Variants in CPED1 observed in about 807,000 individuals in gnomAD.
CPED1 encodes cadherin-like and PC-esterase domain-containing protein 1.
A neutral mutation model predicts 128.2 loss-of-function variants in CPED1; 114 were observed. The observed-to-expected ratio is 0.89, with a 90% CI of 0.76 to 1.04. CPED1 has a LOEUF of 1.04. Ranked by LOEUF, CPED1 falls within the 50% of genes least tolerant of loss-of-function variation. CPED1 has a pLI of 0.00. For missense variants in CPED1, 1,211 were observed against 1,207.1 expected (o/e 1.00, Z -0.05); for synonymous variants, 462 against 426.7 (o/e 1.08, Z -1.02).
At chr7:121,237,472 T>C (rs1327030043) in intron 17 of CPED1, among the ~76,000 whole-genome samples, 1 of 152,176 alleles carries the variant, frequency 6.6e-6, no homozygotes, top group Non-Finnish European at 1.5e-5. Context: ...ATTTAATTAC[T>C]GTGTTAAATC....
At chr7:121,121,947 C>T (rs1353429836) in intron 7 of CPED1, among the ~76,000 whole-genome samples, 1 of 152,086 alleles carries the variant, frequency 6.6e-6, no homozygotes, top group African/African-American at 2.4e-5. Flanking sequence ...AAAAGTGGTT[C>T]ACTTAGTTAG....
At chr7:121,293,484 G>A (rs1457589611) in intron 22 of CPED1, among the ~76,000 whole-genome samples, 6 of 152,112 alleles carry the variant, frequency 3.9e-5, no homozygotes, top group African/African-American at 1.4e-4. Context: ...TCAGCTCTCT[G>A]GCTTCAGCCC....
rs188750557 is a variant in CPED1 at position 121,078,379 on chromosome 7, T to C, written c.616+14066T>C. 1.7e-3 allele frequency among the ~76,000 whole-genome samples: 255 copies of C among 151,862 alleles called. 1 individual carries two copies. The highest frequency in any genetic ancestry group is 5.7e-3 in the African/African-American group (235 of 41,380). On this transcript the variant is annotated intron_variant, in intron 5 of 22. Transcript: ENST00000310396. ...TTAATTTTTAGTGGAGCATGACATT[T>C]TCATAAGCCATTTCTTAGTTTTGAA...
chr7:121,084,614 C>T (rs1584500281), intron 5 of CPED1, among the ~76,000 whole-genome samples: 1 of 152,200 alleles, frequency 6.6e-6, no homozygotes, highest in African/African-American at 2.4e-5. Flanking sequence ...TGTCCCCTTG[C>T]TTGGCCATGG....
chr7:121,284,041 T>C (rs551840575), intron 22 of CPED1, among the ~76,000 whole-genome samples: 1 of 152,276 alleles, frequency 6.6e-6, no homozygotes, highest in African/African-American at 2.4e-5. Context: ...GACTGGGTAA[T>C]TTATAAAGGA....
chr7:121,229,924 C>A (rs747841733), intron 16 of CPED1, among the ~76,000 whole-genome samples: 1 of 151,928 alleles, frequency 6.6e-6, no homozygotes, highest in Non-Finnish European at 1.5e-5. Flanking sequence ...AGAAGTTATT[C>A]AAGTCAAGCA....
At chr7:121,295,357 G>A in intron 22 of CPED1, 83 bp from the exon 23 acceptor site, 1 of 1,470,670 alleles carries the variant, frequency 6.8e-7, no homozygotes, top group Non-Finnish European at 9.1e-7. Context: ...TGGCAGAGAT[G>A]CATGTTCAAG....
chr7:121,287,383 A>AC (rs112901683), intron 22 of CPED1, among the ~76,000 whole-genome samples: 64,039 of 151,906 alleles, frequency 0.42, 14,386 homozygotes, highest in African/African-American at 0.57. Flanking sequence ...ACCTTCAGTG[A>AC]AATGGTGACT....
chr7:121,015,940 T>A (rs1222699219), intron 3 of CPED1, 92 bp downstream of exon 3: 4 of 958,938 alleles, frequency 4.2e-6, no homozygotes, highest in Non-Finnish European at 5.5e-6. Context: ...TAAAAAAATT[T>A]ATAAAAACAA....
At chr7:121,114,947 C>T (rs770046650) in intron 7 of CPED1, among the ~76,000 whole-genome samples, 1 of 152,150 alleles carries the variant, frequency 6.6e-6, no homozygotes, top group African/African-American at 2.4e-5. Flanking sequence ...GTCCTTCAGG[C>T]GTGAATGAAT....
intron 3 of CPED1, among the ~76,000 whole-genome samples, chr7:121,042,252 T>C (rs373929240): frequency 2.6e-5 from 4 of 152,158 alleles, no homozygotes; most frequent in African/African-American, 9.7e-5. Flanking sequence ...TATAGGAAGA[T>C]TTAACTTTGA....
chr7:121,056,739 C>G (rs1184246198), intron 4 of CPED1, among the ~76,000 whole-genome samples: 1 of 152,122 alleles, frequency 6.6e-6, no homozygotes, highest in Non-Finnish European at 1.5e-5. Context: ...GGTTAAACCT[C>G]TTGGTTTGCT....
chr7:121,294,806 C>CAAAAAAAAAAAAAAAAA (rs752742828), intron 22 of CPED1, among the ~76,000 whole-genome samples: 12 of 61,412 alleles, frequency 2.0e-4, no homozygotes, highest in African/African-American at 6.5e-4. Flanking sequence ...GCCTTCTAAG[C>CAAAAAAAAAAAAAAAAA]AAAAAAAAAA....
chr7:121,251,291 A>G (rs910687167), intron 18 of CPED1, among the ~76,000 whole-genome samples: 73 of 152,312 alleles, frequency 4.8e-4, no homozygotes, highest in African/African-American at 1.5e-3. Context: ...ACTCTCAATA[A>G]ATTAGGTATT....
At chr7:121,074,328 G>T (rs1164615254) in intron 5 of CPED1, among the ~76,000 whole-genome samples, 1 of 152,052 alleles carries the variant, frequency 6.6e-6, no homozygotes, top group Non-Finnish European at 1.5e-5. Context: ...TTGTTGTATA[G>T]CCAAAAGACT....
At chr7:121,041,042 T>G (rs1225662613) in intron 3 of CPED1, among the ~76,000 whole-genome samples, 1 of 152,124 alleles carries the variant, frequency 6.6e-6, no homozygotes, top group African/African-American at 2.4e-5. Context: ...TTTGTTCTTC[T>G]CATGTTTATT....
intron 16 of CPED1, among the ~76,000 whole-genome samples, chr7:121,154,446 TA>T (rs1364041177): frequency 1.3e-5 from 2 of 152,156 alleles, no homozygotes. Context: ...ACATGGCCTT[TA>T]TTTTTTTGAG....
chr7:121,222,999 AGGATT>A (rs1390622651), intron 16 of CPED1, among the ~76,000 whole-genome samples: 7 of 152,214 alleles, frequency 4.6e-5, no homozygotes, highest in Admixed American at 4.6e-4. Flanking sequence ...TATGTTGAAT[AGGATT>A]GGTGAGAGAG....
intron 16 of CPED1, among the ~76,000 whole-genome samples, chr7:121,202,727 G>A (rs543275854): frequency 1.3e-5 from 2 of 152,212 alleles, no homozygotes; most frequent in Admixed American, 6.5e-5. Flanking sequence ...GCACCTTGCA[G>A]TAGTGAGCAG....
Sources: gnomAD v4.1 joint callset for allele counts (sites outside exome capture counted in the v4.1 genomes callset) on GRCh38, gnomAD v4.1.1 for gene constraint, MANE v1.5 for transcripts, NCBI Gene and HGNC (gene_info 2026-07-23, HGNC 2026-07-21) for gene names.